CCDC7: variants seen among roughly 807,000 people sequenced by gnomAD.
CCDC7 encodes the protein coiled-coil domain containing 7.
CCDC7 carries 183 observed loss-of-function variants against 196.9 expected under a neutral mutation model. The observed-to-expected ratio is 0.93, with a 90% confidence interval of 0.82 to 1.05. The LOEUF (loss-of-function observed/expected upper bound fraction) is 1.05. Among genes scored for constraint, CCDC7 ranks in the 50% least tolerant of loss-of-function variants. The probability of loss-of-function intolerance (pLI) is 0.00; values close to 1 mark genes in which losing one functional copy is unlikely to be tolerated. For missense variants in CCDC7, 1,540 were observed against 1,482.2 expected, an observed-to-expected ratio of 1.04 and a Z score of -0.64; for synonymous variants, 525 against 484.6, an observed-to-expected ratio of 1.08 and a Z score of -1.10.
intron 14 of CCDC7, 57 bp from the exon 16 acceptor site, chr10:32,567,613 G>A (rs893273266): frequency 7.9e-6 from 12 of 1,513,954 alleles, no homozygotes; most frequent in South Asian, 3.9e-5. Flanking sequence ...GAATGTGGTA[G>A]TATTGGCAGG....
In CCDC7 at chr10:32,487,080, A is replaced by G. The variant is rs555036412; in HGVS notation, c.797-4842A>G. Among the ~76,000 whole-genome samples, 7 of 152,252 alleles carry G rather than the reference A, an allele frequency of 4.6e-5. No individual in the cohort carries two copies. The South Asian group carries it at 1.2e-3, about 27-fold the overall frequency. On this transcript the variant is annotated intron_variant, in intron 8 of 41. Transcript: ENST00000639629. ...GAAGTTCTCCTGGATAATATCCTGAAGAGTGTTTTCCAACTTGGTTCCATT... is the reference window on the plus strand; with the variant it reads ...GAAGTTCTCCTGGATAATATCCTGAGGAGTGTTTTCCAACTTGGTTCCATT...
chr10:32,685,130 A>G (rs947881425), intron 21 of CCDC7, among the ~76,000 whole-genome samples: 2 of 150,936 alleles, frequency 1.3e-5, no homozygotes, highest in African/African-American at 4.9e-5. Flanking sequence ...AAAGCTAAGT[A>G]TCTTTCTAAT....
chr10:32,547,597 A>T (rs1220855016), intron 13 of CCDC7, among the ~76,000 whole-genome samples: 1 of 150,026 alleles, frequency 6.7e-6, no homozygotes, highest in Non-Finnish European at 1.5e-5. Context: ...ATTAAAAAAA[A>T]ATTTATTTTT....
chr10:32,837,333 A>G (rs1395936429), intron 33 of CCDC7, among the ~76,000 whole-genome samples: 1 of 152,134 alleles, frequency 6.6e-6, no homozygotes, highest in Non-Finnish European at 1.5e-5. Flanking sequence ...AATGCTCATC[A>G]TCACTGGCCA....
chr10:32,455,847 T>C (rs551414947), intron 2 of CCDC7, among the ~76,000 whole-genome samples: 7 of 152,354 alleles, frequency 4.6e-5, no homozygotes, highest in African/African-American at 1.7e-4. Context: ...CTGCAGTTCA[T>C]GGCAATTATA....
intron 11 of CCDC7, among the ~76,000 whole-genome samples, chr10:32,527,378 G>A (rs538211387): frequency 1.1e-4 from 17 of 152,106 alleles, no homozygotes; most frequent in African/African-American, 4.1e-4. Flanking sequence ...GAGGAACTGC[G>A]ATTGCTCACC....
intron 9 of CCDC7, among the ~76,000 whole-genome samples, chr10:32,517,463 G>A (rs540566659): frequency 5.5e-4 from 83 of 152,032 alleles, no homozygotes; most frequent in African/African-American, 2.0e-3. Context: ...AATATTTCTA[G>A]GGAGAGTATT....
intron 23 of CCDC7, among the ~76,000 whole-genome samples, chr10:32,691,991 GT>G (rs764754443): frequency 1.2e-4 from 18 of 152,220 alleles, no homozygotes; most frequent in Non-Finnish European, 2.5e-4. Context: ...GAGGCATTCT[GT>G]AGTGATAAGC....
intron 16 of CCDC7, among the ~76,000 whole-genome samples, chr10:32,574,003 A>G (rs562871206): frequency 1.5e-4 from 23 of 152,304 alleles, no homozygotes; most frequent in African/African-American, 5.5e-4. Context: ...AAGCTACATC[A>G]AAGAAGAGGA....
chr10:32,697,090 T>C (rs2077836541), intron 24 of CCDC7, among the ~76,000 whole-genome samples: 1 of 152,176 alleles, frequency 6.6e-6, no homozygotes, highest in African/African-American at 2.4e-5. Context: ...CACCATAATG[T>C]AGAATGAGTG....
chr10:32,769,411 T>C (rs1342143380), intron 28 of CCDC7, among the ~76,000 whole-genome samples: 2 of 152,052 alleles, frequency 1.3e-5, no homozygotes, highest in Non-Finnish European at 2.9e-5. Context: ...TAGATAGTGA[T>C]TTATCAATTT....
At chr10:32,669,799 TC>T (rs796782656) in intron 21 of CCDC7, among the ~76,000 whole-genome samples, 8 of 152,310 alleles carry the variant, frequency 5.3e-5, no homozygotes, top group African/African-American at 1.9e-4. Context: ...TTTTGTCTTT[TC>T]TTTTTTTGTT....
chr10:32,515,511 C>T (rs1269963436), intron 9 of CCDC7, among the ~76,000 whole-genome samples: 1 of 151,988 alleles, frequency 6.6e-6, no homozygotes, highest in African/African-American at 2.4e-5. Flanking sequence ...CTGGTTATCC[C>T]CATGCAAAAG....
intron 32 of CCDC7, among the ~76,000 whole-genome samples, chr10:32,828,555 G>GAAGAAA (rs199717552): frequency 8.8e-5 from 13 of 147,876 alleles, no homozygotes; most frequent in African/African-American, 3.2e-4. Flanking sequence ...AGAAGAAGAA[G>GAAGAAA]AAGAAAGAAG....
intron 18 of CCDC7, among the ~76,000 whole-genome samples, chr10:32,631,285 TTTAACTC>T (rs1482772174): frequency 6.6e-6 from 1 of 152,198 alleles, no homozygotes; most frequent in Non-Finnish European, 1.5e-5. Context: ...GTTTTATAGT[TTTAACTC>T]TTAATATTTA....
At position 32,589,311 on chromosome 10, in the gene CCDC7, G is replaced by A. The variant is rs1406177984; in HGVS notation, c.1801+5007G>A. Among the ~76,000 whole-genome samples, 3 of 152,228 alleles carry A rather than the reference G, an allele frequency of 2.0e-5. No homozygotes were observed. In the East Asian group the frequency reaches 5.8e-4, roughly 29 times the overall value. On this transcript the variant is annotated intron_variant, in intron 18 of 41. Transcript: ENST00000639629. ...AATGTCCTCCAGTTCCATCTATGTT[G>A]TTGCACATAAACAGGATCTCATTCT...
chr10:32,615,976 G>C (rs1050121012), intron 18 of CCDC7, among the ~76,000 whole-genome samples: 1 of 151,668 alleles, frequency 6.6e-6, no homozygotes. Context: ...AAAATCAGTT[G>C]ATTGCAGGTA....
intron 9 of CCDC7, among the ~76,000 whole-genome samples, chr10:32,497,349 G>T (rs1394237647): frequency 6.6e-6 from 1 of 152,068 alleles, no homozygotes; most frequent in African/African-American, 2.4e-5. Context: ...CCAGCTCCTG[G>T]ATTCATTGAT....
chr10:32,750,861 G>A (rs2075549398), intron 28 of CCDC7, among the ~76,000 whole-genome samples: 1 of 152,120 alleles, frequency 6.6e-6, no homozygotes, highest in Non-Finnish European at 1.5e-5. Context: ...AGCCCTATTA[G>A]AATCCATAAT....
Sources: allele counts gnomAD v4.1 joint callset (sites outside exome capture counted in the v4.1 genomes callset), GRCh38; gene constraint gnomAD v4.1.1; transcripts MANE v1.5; gene names NCBI Gene and HGNC (gene_info 2026-07-23, HGNC 2026-07-21).